Variants in DNM3 observed in about 807,000 individuals in gnomAD.
The protein encoded by DNM3 is dynamin-3.
A neutral mutation model predicts 101.6 loss-of-function variants in DNM3; 47 were observed. The ratio of observed to expected loss-of-function variants is 0.46; its 90% confidence interval spans 0.37 to 0.59. The LOEUF is 0.59. DNM3 is among the 20% of genes least tolerant of loss of function. The pLI is 0.00. For missense variants in DNM3, 849 were observed against 1,085.7 expected (o/e 0.78, Z 3.06); for synonymous variants, 385 against 387.9 (o/e 0.99, Z 0.09).
chr1:172,269,822 CA>C (rs1469199060), intron 15 of DNM3, among the ~76,000 whole-genome samples: 1 of 152,118 alleles, frequency 6.6e-6, no homozygotes, highest in Non-Finnish European at 1.5e-5. Flanking sequence ...AGTGAGACAG[CA>C]AGTGTTCAGG....
At chr1:172,279,390 A>G (rs954796970) in intron 15 of DNM3, among the ~76,000 whole-genome samples, 6 of 152,152 alleles carry the variant, frequency 3.9e-5, no homozygotes, top group Non-Finnish European at 5.9e-5. Flanking sequence ...TAGCAAATGC[A>G]TGTGCTTGGT....
intron 1 of DNM3, among the ~76,000 whole-genome samples, chr1:171,846,980 A>G (rs971790352): frequency 1.3e-5 from 2 of 152,160 alleles, no homozygotes; most frequent in Admixed American, 1.3e-4. Flanking sequence ...GAGACAAGTC[A>G]TTCACCCAGG....
intron 15 of DNM3, among the ~76,000 whole-genome samples, chr1:172,285,497 A>T (rs2063663474): frequency 6.6e-6 from 1 of 152,168 alleles, no homozygotes. Flanking sequence ...GGGCCCAAGC[A>T]CATCTTAGGC....
intron 1 of DNM3, among the ~76,000 whole-genome samples, chr1:171,906,201 C>T (rs997645808): frequency 6.7e-6 from 1 of 150,052 alleles, no homozygotes; most frequent in Non-Finnish European, 1.5e-5. Flanking sequence ...GAACATGGCT[C>T]ATTGCGGCCT....
chr1:172,076,350 A>G (rs2052646238), intron 11 of DNM3, among the ~76,000 whole-genome samples: 1 of 152,172 alleles, frequency 6.6e-6, no homozygotes, highest in Admixed American at 6.5e-5. Context: ...TTCCAATACT[A>G]TGTTGAACAG....
chr1:172,184,990 A>C (rs1262725727), intron 14 of DNM3, among the ~76,000 whole-genome samples: 1 of 152,042 alleles, frequency 6.6e-6, no homozygotes, highest in Non-Finnish European at 1.5e-5. Context: ...AGAGCATCGA[A>C]CATCTGGAAT....
At chr1:172,091,168 T>C (rs2053880570) in intron 12 of DNM3, among the ~76,000 whole-genome samples, 1 of 152,196 alleles carries the variant, frequency 6.6e-6, no homozygotes, top group African/African-American at 2.4e-5. Flanking sequence ...ATCAACTTCA[T>C]TGGGCTTTTC....
chr1:172,128,977 G>C (rs1045328805), intron 13 of DNM3, among the ~76,000 whole-genome samples: 5 of 152,182 alleles, frequency 3.3e-5, no homozygotes, highest in African/African-American at 1.2e-4. Context: ...AGGTACTATA[G>C]TAAGATATCT....
intron 15 of DNM3, among the ~76,000 whole-genome samples, chr1:172,308,324 G>A (rs370957905): frequency 5.3e-5 from 8 of 151,990 alleles, no homozygotes; most frequent in African/African-American, 7.2e-5. Flanking sequence ...GATTATTGCC[G>A]TGCATCTTAA....
intron 7 of DNM3, among the ~76,000 whole-genome samples, chr1:172,040,325 T>G (rs2049282493): frequency 6.6e-6 from 1 of 152,190 alleles, no homozygotes; most frequent in Non-Finnish European, 1.5e-5. Flanking sequence ...TGCAGCTACT[T>G]TTCATTCATC....
At chr1:172,156,198 T>C (rs2058331193) in intron 14 of DNM3, among the ~76,000 whole-genome samples, 1 of 152,052 alleles carries the variant, frequency 6.6e-6, no homozygotes. Context: ...ACCCAGACAG[T>C]AGGGGCATCA....
intron 20 of DNM3, among the ~76,000 whole-genome samples, chr1:172,399,442 A>C (rs1312991123): frequency 6.6e-6 from 1 of 152,166 alleles, no homozygotes; most frequent in East Asian, 1.9e-4. Context: ...GTAAGAGCTA[A>C]TACTGCAGAC....
chr1:172,186,530 G>A (rs2059532502), intron 14 of DNM3, among the ~76,000 whole-genome samples: 1 of 151,988 alleles, frequency 6.6e-6, no homozygotes, highest in South Asian at 2.1e-4. Flanking sequence ...CCCCCCTTTT[G>A]AAGATGACAT....
intron 4 of DNM3, among the ~76,000 whole-genome samples, chr1:172,030,451 A>G (rs1243137655): frequency 2.6e-5 from 4 of 152,218 alleles, no homozygotes; most frequent in Non-Finnish European, 4.4e-5. Flanking sequence ...AACCATAAAA[A>G]CCATAAAAGA....
At chr1:172,267,668 C>A (rs1262462372) in intron 15 of DNM3, among the ~76,000 whole-genome samples, 1 of 151,572 alleles carries the variant, frequency 6.6e-6, no homozygotes, top group Non-Finnish European at 1.5e-5. Flanking sequence ...CATTCTAAAT[C>A]TTTATTTCTT....
intron 1 of DNM3, among the ~76,000 whole-genome samples, chr1:171,859,721 G>C (rs2033978467): frequency 6.6e-6 from 1 of 152,124 alleles, no homozygotes; most frequent in African/African-American, 2.4e-5. Flanking sequence ...AATCAGTATG[G>C]ATGCCATGAC....
chr1:172,228,773 A>G (rs887946456), intron 14 of DNM3, among the ~76,000 whole-genome samples: 1 of 152,126 alleles, frequency 6.6e-6, no homozygotes, highest in Non-Finnish European at 1.5e-5. Flanking sequence ...TTATAAATGT[A>G]TTCATATAAG....
intron 1 of DNM3, among the ~76,000 whole-genome samples, chr1:171,878,837 CT>C (rs370043131): frequency 0.011 from 1,682 of 148,026 alleles, 33 homozygotes; most frequent in African/African-American, 0.039. Flanking sequence ...CTCAAGCTTT[CT>C]TTTTTTTTTA....
At chr1:172,046,160 G>T (rs376154655) in intron 9 of DNM3, among the ~76,000 whole-genome samples, 1 of 152,090 alleles carries the variant, frequency 6.6e-6, no homozygotes, top group South Asian at 2.1e-4. Flanking sequence ...CAACCCAAAT[G>T]TCCAACAATG....
Sources: allele counts gnomAD v4.1 joint callset (sites outside exome capture counted in the v4.1 genomes callset), GRCh38; gene constraint gnomAD v4.1.1; transcripts MANE v1.5; gene names NCBI Gene and HGNC (gene_info 2026-07-23, HGNC 2026-07-21).